CD55: variants seen among roughly 807,000 people sequenced by gnomAD.
CD55 encodes CD55 molecule (Cromer blood group).
A neutral mutation model predicts 45.8 loss-of-function variants in CD55; 41 were observed. That is an observed-to-expected ratio of 0.90 (90% CI 0.70 to 1.16). The LOEUF is 1.16. Among genes scored for constraint, CD55 ranks in the 50% most tolerant of loss-of-function variants. The probability of loss-of-function intolerance (pLI) is 0.00; values close to 1 mark genes in which losing one functional copy is unlikely to be tolerated. For synonymous variants in CD55, 181 were observed against 181.1 expected (o/e 1.00, Z 0.01); for missense variants, 416 against 469.8 (o/e 0.89, Z 1.06).
chr1:207,337,729 G>A (rs996147730), intron 8 of CD55: 6 of 218,158 alleles, frequency 2.8e-5, no homozygotes, highest in Admixed American at 5.8e-5. Context: ...CCCCTTCAAA[G>A]AACCAAATAT....
At chr1:207,346,321 G>A (rs1052125900) in intron 9 of CD55, among the ~76,000 whole-genome samples, 4 of 152,178 alleles carry the variant, frequency 2.6e-5, no homozygotes, top group African/African-American at 9.6e-5. Context: ...GACTGGCTGA[G>A]CATCCGGGTA....
At chr1:207,332,356 C>G (rs1572878936) in intron 6 of CD55, among the ~76,000 whole-genome samples, 13 of 152,082 alleles carry the variant, frequency 8.5e-5, no homozygotes, top group Admixed American at 8.5e-4. Context: ...ACATCTGTCA[C>G]TGCACATATA....
intron 6 of CD55, among the ~76,000 whole-genome samples, chr1:207,334,227 A>G (rs1655072691): frequency 6.6e-6 from 1 of 152,182 alleles, no homozygotes; most frequent in Admixed American, 6.5e-5. Context: ...AGACAATAAG[A>G]AGAAATCTTT....
chr1:207,327,451 G>C (rs1213131152), intron 5 of CD55, among the ~76,000 whole-genome samples: 3 of 152,126 alleles, frequency 2.0e-5, no homozygotes, highest in Non-Finnish European at 4.4e-5. Context: ...CTCAAAGAAA[G>C]ATATGGTGCA....
intron 9 of CD55, among the ~76,000 whole-genome samples, chr1:207,343,014 G>T (rs1415413194): frequency 6.6e-6 from 1 of 151,938 alleles, no homozygotes; most frequent in Non-Finnish European, 1.5e-5. Context: ...CTGATATTTT[G>T]TATTTCTGTG....
intron 9 of CD55, chr1:207,350,021 T>G (rs1309630459): frequency 2.6e-5 from 11 of 428,630 alleles, no homozygotes; most frequent in Non-Finnish European, 4.6e-6. Flanking sequence ...TATTATTTTG[T>G]GGTATGTTCC....
rs368838460 is a variant in CD55, at chr1:207,356,744, AAAC to A, written c.1082-2794_1082-2792del. ...GCACATAGTAAGCACTCAGATATTA[AAAC>A]AACAACAGCACACACACACATCAGT... On this transcript the variant is annotated intron_variant, in intron 9 of 9. Transcript: ENST00000367064. 4.2e-3 allele frequency among the ~76,000 whole-genome samples: 633 copies of A among 152,298 alleles called. 5 individuals carry two copies. The highest frequency in any genetic ancestry group is 0.014 in the African/African-American group (598 of 41,568).
At chr1:207,359,368 A>T (rs1656198845) in intron 9 of CD55, among the ~76,000 whole-genome samples, 178 bp from the exon 10 acceptor site, 1 of 151,498 alleles carries the variant, frequency 6.6e-6, no homozygotes, top group Admixed American at 6.6e-5. Context: ...TAGCTGATAA[A>T]CCCCACCTGT....
At chr1:207,324,074 A>G (rs546485744) in intron 2 of CD55, among the ~76,000 whole-genome samples, 4 of 152,352 alleles carry the variant, frequency 2.6e-5, no homozygotes, top group South Asian at 4.1e-4. Flanking sequence ...TTACAGGTGT[A>G]AATACTTTAT....
rs559920942 is a variant in CD55, at chr1:207,340,610, G to T, written c.1081+1193G>T. The T allele has an allele frequency of 4.4e-6, 3 of 680,228 alleles. No individual in the cohort carries two copies. In the South Asian group the frequency reaches 4.7e-5, roughly 11 times the overall value. 42.1% of individuals were successfully genotyped at this position (680,228 alleles called of 1,614,324 possible). On this transcript the variant is annotated intron_variant, in intron 9 of 9. Coordinates refer to ENST00000367064, the MANE Select transcript of CD55 (RefSeq NM_000574.5). Reference sequence around the variant, plus strand: ...TGGTTTCAAACTCCTGGCCGTAAGCGATTTTTCCGGCCTCCCAAAACGTTG... The same window carrying T: ...TGGTTTCAAACTCCTGGCCGTAAGCTATTTTTCCGGCCTCCCAAAACGTTG...
At chr1:207,355,003 A>G (rs1338230876) in intron 9 of CD55, among the ~76,000 whole-genome samples, 1 of 152,244 alleles carries the variant, frequency 6.6e-6, no homozygotes, top group Non-Finnish European at 1.5e-5. Flanking sequence ...AACTGGTGAC[A>G]GAAAGGGGGA....
intron 6 of CD55, among the ~76,000 whole-genome samples, chr1:207,332,689 G>C (rs1007819292): frequency 6.6e-6 from 1 of 152,072 alleles, no homozygotes; most frequent in Non-Finnish European, 1.5e-5. Flanking sequence ...GTTATTTAGA[G>C]CTTAAAAAAC....
intron 4 of CD55, 41 bp from the exon 5 acceptor site, chr1:207,326,711 G>A (rs772492634): frequency 2.8e-6 from 4 of 1,432,148 alleles, no homozygotes; most frequent in Non-Finnish European, 3.9e-6. Flanking sequence ...TCAAATATGT[G>A]TGAATGTAAC....
At chr1:207,336,454 C>T (rs1507761) in intron 6 of CD55, among the ~76,000 whole-genome samples, 40,918 of 151,972 alleles carry the variant, frequency 0.27, 6,191 homozygotes, top group East Asian at 0.57. Flanking sequence ...GCTTAAGCAC[C>T]TCAGTATACT....
chr1:207,337,522 T>C, intron 8 of CD55, 113 bp downstream of exon 8: 1 of 642,478 alleles, frequency 1.6e-6, no homozygotes. Context: ...GTAGCCAGGG[T>C]TTTTCATACT....
chr1:207,324,000 A>T (rs1387620421), intron 2 of CD55, among the ~76,000 whole-genome samples: 1 of 152,226 alleles, frequency 6.6e-6, no homozygotes, highest in African/African-American at 2.4e-5. Context: ...CTCTAGATTC[A>T]CATTTGTGGG....
rs573301387 is a variant in CD55 at position 207,347,321 on chromosome 1, G to A, written c.1081+7904G>A. 1.3e-4 allele frequency: 56 copies of A among 415,554 alleles called. 1 individual carries two copies. Among genetic ancestry groups the A allele is most frequent in the African/African-American group, 4.1e-4 (20 of 48,748 alleles). 25.7% of individuals were successfully genotyped at this position (415,554 alleles called of 1,614,324 possible). A position where few individuals can be genotyped will look rare whatever the true frequency, so the allele number is the denominator to read the frequency against. ...GTCACCCAGGCTGGAGTGCAGTGGC[G>A]TGATCTCGGCTCACTGCAAGCTCTG... On this transcript the variant is annotated intron_variant, in intron 9 of 9. Transcript: ENST00000367064.
intron 3 of CD55, 39 bp from the exon 4 acceptor site, chr1:207,325,583 T>C: frequency 7.6e-7 from 1 of 1,311,294 alleles, no homozygotes; most frequent in Non-Finnish European, 1.1e-6. Context: ...GTATGCCTGA[T>C]AATTTAATTT....
At chr1:207,328,273 A>C (rs1654776539) in intron 5 of CD55, among the ~76,000 whole-genome samples, 1 of 152,232 alleles carries the variant, frequency 6.6e-6, no homozygotes, top group African/African-American at 2.4e-5. Context: ...TCCTGTAGGA[A>C]AGAGCCCCTG....
Sources: gnomAD v4.1 joint callset for allele counts (sites outside exome capture counted in the v4.1 genomes callset) on GRCh38, gnomAD v4.1.1 for gene constraint, MANE v1.5 for transcripts, NCBI Gene and HGNC (gene_info 2026-07-23, HGNC 2026-07-21) for gene names.